NBN: variants seen among roughly 807,000 people sequenced by gnomAD.
NBN encodes nibrin.
In NBN, 88 loss-of-function variants were observed where a neutral mutation model predicts 90.8. The ratio of observed to expected loss-of-function variants is 0.97; its 90% confidence interval spans 0.82 to 1.16. The LOEUF (loss-of-function observed/expected upper bound fraction) is 1.16. NBN is among the 50% of genes most tolerant of loss of function. NBN has a pLI of 0.00. For missense variants in NBN, 894 were observed against 869.6 expected, an observed-to-expected ratio of 1.03 and a Z score of -0.35; for synonymous variants, 328 against 295.1, an observed-to-expected ratio of 1.11 and a Z score of -1.14.
chr8:89,953,848 A>G (rs1347918943), intron 10 of NBN, 157 bp from the exon 11 acceptor site: 5 of 195,094 alleles, frequency 2.6e-5, no homozygotes, highest in South Asian at 1.8e-4. Flanking sequence ...AGACCTTTGA[A>G]AACAGTGCAG....
At chr8:89,970,234 A>G in intron 7 of NBN, 130 bp downstream of exon 7, 1 of 732,986 alleles carries the variant, frequency 1.4e-6, no homozygotes, top group Non-Finnish European at 2.2e-6. Flanking sequence ...GGGCAACAAG[A>G]GCAAGACTCC....
chr8:89,972,924 C>T (rs1484684128), intron 5 of NBN, among the ~76,000 whole-genome samples: 1 of 152,216 alleles, frequency 6.6e-6, no homozygotes, highest in African/African-American at 2.4e-5. Flanking sequence ...AAATTATCTA[C>T]AGCTTTCTAT....
chr8:89,984,180 T>G (rs550311777), intron 1 of NBN: 44 of 425,156 alleles, frequency 1.0e-4, no homozygotes, highest in Non-Finnish European at 1.8e-4. Context: ...CTGCCGGGGG[T>G]TCCCACTAGG....
intron 14 of NBN, among the ~76,000 whole-genome samples, chr8:89,940,528 A>G (rs1230808695): frequency 2.0e-5 from 3 of 151,706 alleles, no homozygotes; most frequent in African/African-American, 7.3e-5. Context: ...ATGAGATGGC[A>G]TATGATCCTT....
intron 5 of NBN, among the ~76,000 whole-genome samples, chr8:89,972,938 T>C (rs1811583040): frequency 6.6e-6 from 1 of 152,218 alleles, no homozygotes; most frequent in Non-Finnish European, 1.5e-5. Context: ...TTTCTATTAT[T>C]CACACTGTCA....
intron 8 of NBN, among the ~76,000 whole-genome samples, chr8:89,963,606 A>C (rs1811102322): frequency 6.6e-6 from 1 of 152,306 alleles, no homozygotes; most frequent in Middle Eastern, 3.4e-3. Context: ...TAACTAATAA[A>C]GGGGAAACAG....
At chr8:89,971,857 C>T (rs1005871856) in intron 5 of NBN, among the ~76,000 whole-genome samples, 4 of 152,152 alleles carry the variant, frequency 2.6e-5, no homozygotes, top group Non-Finnish European at 5.9e-5. Flanking sequence ...GCTATAAGAA[C>T]ATCTTAATCA....
Position 89,933,640 on chromosome 8 carries a change from C to T in NBN, c.*1942G>A, listed in dbSNP as rs538552137. On this transcript the variant is annotated 3_prime_UTR_variant, in exon 16 of 16. Transcript: ENST00000265433. ...ACATACATATCAATTCAAGGTAGAT[C>T]ACAAATATAAAAATATAAAGTTTAT... The T allele has an allele frequency of 6.5e-5, 15 of 231,864 alleles. No individual in the cohort carries two copies. Among genetic ancestry groups the T allele is most frequent in the Non-Finnish European group, 1.0e-4 (12 of 117,476 alleles). The allele number at this position is 231,864 out of a possible 1,614,324, so 14.4% of individuals were successfully genotyped here.
At chr8:89,944,607 T>C (rs1197473577) in intron 13 of NBN, among the ~76,000 whole-genome samples, 2 of 152,332 alleles carry the variant, frequency 1.3e-5, no homozygotes, top group Middle Eastern at 3.4e-3. Flanking sequence ...TTCCTGGTGC[T>C]GGGGCTCTGA....
In NBN at chr8:89,939,111, G is replaced by T. The variant is rs185613018; in HGVS notation, c.2185-2036C>A. The stretch of plus-strand genomic sequence containing the variant: ...AATTTTTATGTTTGATGTACACAAT[G>T]AAAATATCCTAAATTCAAGGGAACT... On this transcript the variant is annotated intron_variant, in intron 14 of 15. Transcript: ENST00000265433. 1.7e-3 allele frequency among the ~76,000 whole-genome samples: 262 copies of T among 152,190 alleles called. 2 individuals are homozygous for T. Among genetic ancestry groups the T allele is most frequent in the African/African-American group, 5.9e-3 (243 of 41,530 alleles).
rs746632073 is a variant in NBN at position 89,953,246 on chromosome 8, A to G, written c.1843T>C (p.Ser615Pro). Reference sequence around the variant, plus strand: ...CTCTCATTTAAAATGTTACTTACAGATATTTTGCTACTTTCTGGTACTGCT... The same window carrying G: ...CTCTCATTTAAAATGTTACTTACAGGTATTTTGCTACTTTCTGGTACTGCT... ...DEAVPESSKISQENEIGKKRE... is the reference protein window; with the variant it reads ...DEAVPESSKIPQENEIGKKRE... The change falls in exon 11 of 16, where the codon TCT becomes CCT. Residue 615 changes from serine to proline, a missense_variant and splice_region_variant. Transcript: ENST00000265433. 6.8e-5 allele frequency: 108 copies of G among 1,594,234 alleles called. No homozygotes were observed. Among genetic ancestry groups the G allele is most frequent in the Non-Finnish European group, 8.9e-5 (103 of 1,162,962 alleles).
At chr8:89,964,565 A>G in intron 7 of NBN, 58 bp from the exon 8 acceptor site, 1 of 1,491,370 alleles carries the variant, frequency 6.7e-7, no homozygotes, top group Non-Finnish European at 9.3e-7. Flanking sequence ...ACTTTTATTC[A>G]GATAATGTCA....
chr8:89,967,854 T>C (rs1196942659), intron 7 of NBN, among the ~76,000 whole-genome samples: 1 of 152,214 alleles, frequency 6.6e-6, no homozygotes, highest in African/African-American at 2.4e-5. Context: ...TAGCTGGCTT[T>C]ACTGGCCACT....
intron 5 of NBN, among the ~76,000 whole-genome samples, chr8:89,977,829 C>T (rs1356106469): frequency 6.6e-6 from 1 of 152,202 alleles, no homozygotes; most frequent in African/African-American, 2.4e-5. Context: ...ATTCCCAAAG[C>T]TATGGTGCTG....
rs1554569059 is a variant in NBN at position 89,982,759 on chromosome 8, T to C, written c.134A>G (p.His45Arg). ...AGAAAAGTTAGCAGTTAACACAGCA[T>C]GATTTCGGCTGATCGACTGATCATT... is the stretch of plus-strand genomic sequence containing the variant. ...IENDQSISRN[H>R]AVLTANFSVT... Residue 45 changes from histidine to arginine, a missense_variant, in exon 2 of 16, where the codon CAT (histidine) becomes CGT (arginine). Coordinates refer to ENST00000265433, the MANE Select transcript of NBN (RefSeq NM_002485.5). 3 of 1,613,948 alleles carry C rather than the reference T, an allele frequency of 1.9e-6. No homozygotes were observed. Among genetic ancestry groups the C allele is most frequent in the Non-Finnish European group, 2.5e-6 (3 of 1,179,964 alleles).
At chr8:89,955,739 G>T (rs1258846191) in intron 9 of NBN, among the ~76,000 whole-genome samples, 184 bp from the exon 10 acceptor site, 1 of 152,074 alleles carries the variant, frequency 6.6e-6, no homozygotes, top group Non-Finnish European at 1.5e-5. Flanking sequence ...GCATCCTGTG[G>T]AAGGATGATA....
chr8:89,941,435 G>T (rs138232937), intron 14 of NBN, among the ~76,000 whole-genome samples: 7 of 152,334 alleles, frequency 4.6e-5, no homozygotes, highest in Admixed American at 4.6e-4. Context: ...ATAATTGTAT[G>T]TGAAGTTAAT....
chr8:89,978,853 A>G (rs1254390116), intron 4 of NBN, among the ~76,000 whole-genome samples: 2 of 152,256 alleles, frequency 1.3e-5, no homozygotes, highest in African/African-American at 4.8e-5. Context: ...ATAAAGTGGA[A>G]AAAAAGAAAC....
intron 9 of NBN, 107 bp from the exon 10 acceptor site, chr8:89,955,662 A>C (rs1277463987): frequency 3.9e-6 from 5 of 1,267,668 alleles, no homozygotes; most frequent in Non-Finnish European, 5.4e-6. Context: ...CTTAGAAGAT[A>C]ATTTTTAGAC....
Sources: allele counts gnomAD v4.1 joint callset (sites outside exome capture counted in the v4.1 genomes callset), GRCh38; gene constraint gnomAD v4.1.1; transcripts MANE v1.5; gene names NCBI Gene and HGNC (gene_info 2026-07-23, HGNC 2026-07-21).